The following SPATA7 variants were observed in gnomAD, a reference collection of about 807,000 sequenced individuals.
SPATA7 encodes spermatogenesis-associated protein 7.
SPATA7 carries 43 observed loss-of-function variants against 51.8 expected under a neutral mutation model. That is an observed-to-expected ratio of 0.83 (90% confidence interval 0.65 to 1.07). The LOEUF (loss-of-function observed/expected upper bound fraction) is 1.07. SPATA7 is among the 50% of genes least tolerant of loss of function. SPATA7 has a pLI of 0.00. For synonymous variants in SPATA7, 230 were observed against 252.8 expected, an observed-to-expected ratio of 0.91 and a Z score of 0.86; for missense variants, 683 against 701.3, an observed-to-expected ratio of 0.97 and a Z score of 0.30.
chr14:88,451,828 T>C (rs768823838), intron 3 of SPATA7, among the ~76,000 whole-genome samples: 6 of 152,158 alleles, frequency 3.9e-5, no homozygotes, highest in Non-Finnish European at 8.8e-5. Flanking sequence ...CCTGGCCCTA[T>C]ATCATTTTTT....
At chr14:88,424,119 A>G (rs1001487177) in intron 5 of SPATA7, among the ~76,000 whole-genome samples, 3 of 152,184 alleles carry the variant, frequency 2.0e-5, no homozygotes, top group African/African-American at 7.2e-5. Flanking sequence ...TCTTTGCTCC[A>G]TTGGCACATA....
At chr14:88,433,959 C>T (rs1476906359) in intron 10 of SPATA7, among the ~76,000 whole-genome samples, 1 of 152,108 alleles carries the variant, frequency 6.6e-6, no homozygotes, top group Non-Finnish European at 1.5e-5. Context: ...TCTGTTGACC[C>T]CTTTCATTTT....
rs552012361 is a variant in SPATA7, at chr14:88,448,050, A to G, written c.178-7010A>G. On this transcript the variant is annotated intron_variant, in intron 3 of 3. Transcript: ENST00000554802. The stretch of plus-strand genomic sequence containing the variant: ...TTGGCCTGCTTTGCTAGATTGGGGA[A>G]GTTCTCCTGGATAATATCTTGCAGA... 2.3e-3 allele frequency among the ~76,000 whole-genome samples: 356 copies of G among 152,086 alleles called. 3 individuals carry two copies. Among genetic ancestry groups the G allele is most frequent in the African/African-American group, 7.7e-3 (317 of 41,378 alleles).
In SPATA7 at chr14:88,385,721, C is replaced by T. The variant is rs369551739; in HGVS notation, c.-98C>T. The T allele has an allele frequency of 2.4e-5, 30 of 1,230,096 alleles. No individual in the cohort carries two copies. Among genetic ancestry groups the T allele is most frequent in the African/African-American group, 1.8e-4 (12 of 68,002 alleles). 76.2% of individuals were successfully genotyped at this position (1,230,096 alleles called of 1,614,324 possible). Reference sequence around the variant, plus strand: ...CCTGCTGCTGCAGCCCCCGTCGGCTCCTCTTTTCCAGTCCTCCACTGCCGG... The same window carrying T: ...CCTGCTGCTGCAGCCCCCGTCGGCTTCTCTTTTCCAGTCCTCCACTGCCGG... On this transcript the variant is annotated 5_prime_UTR_variant, in exon 1 of 12. Transcript: ENST00000393545.
chr14:88,439,233 A>G (rs1218719156), downstream of SPATA7, among the ~76,000 whole-genome samples: 1 of 152,084 alleles, frequency 6.6e-6, no homozygotes, highest in Non-Finnish European at 1.5e-5. Context: ...TTTTCCTGCA[A>G]TATCTAAAGC....
At chr14:88,452,592 A>G (rs1305338649) in intron 3 of SPATA7, among the ~76,000 whole-genome samples, 2 of 152,116 alleles carry the variant, frequency 1.3e-5, no homozygotes, top group African/African-American at 2.4e-5. Flanking sequence ...CTTTCCTGGT[A>G]TATTCCTGCA....
intron 8 of SPATA7, 39 bp from the exon 9 acceptor site, chr14:88,431,133 C>T (rs780041447): frequency 7.6e-6 from 12 of 1,581,480 alleles, no homozygotes; most frequent in Non-Finnish European, 1.0e-5. Flanking sequence ...TGTATGCCAA[C>T]CACTGTTTTG....
chr14:88,445,846 A>G (rs2077208148), intron 3 of SPATA7, among the ~76,000 whole-genome samples: 1 of 152,066 alleles, frequency 6.6e-6, no homozygotes, highest in Non-Finnish European at 1.5e-5. Flanking sequence ...CCACTTGATC[A>G]TGGTGGATAA....
At chr14:88,413,044 G>T (rs2076384491) in intron 4 of SPATA7, among the ~76,000 whole-genome samples, 1 of 151,970 alleles carries the variant, frequency 6.6e-6, no homozygotes, top group African/African-American at 2.4e-5. Flanking sequence ...CTCTTTTTTG[G>T]TTCCATATAA....
chr14:88,405,191 G>A (rs907561790), intron 4 of SPATA7, among the ~76,000 whole-genome samples: 10 of 152,206 alleles, frequency 6.6e-5, no homozygotes, highest in Admixed American at 6.5e-4. Context: ...AAAACAGCAA[G>A]GAGGGCTGTG....
rs772554840 is a variant in SPATA7 at position 88,416,669 on chromosome 14, C to G, written c.239-42C>G. On this transcript the variant is annotated intron_variant, in intron 4 of 11. Transcript: ENST00000393545. ...CTAACAAGACCAAAAAACCAATTTT[C>G]TATTTTGTTCCATATTTTGAAAGAT... is the stretch of plus-strand genomic sequence containing the variant. The G allele has an allele frequency of 1.9e-6, 3 of 1,605,594 alleles. No individual in the cohort carries two copies. In the African/African-American group the frequency reaches 4.0e-5, roughly 22 times the overall value.
chr14:88,393,539 T>C, intron 3 of SPATA7, 51 bp downstream of exon 3: 3 of 1,257,598 alleles, frequency 2.4e-6, no homozygotes, highest in Non-Finnish European at 3.4e-6. Flanking sequence ...ACCTCCAGCT[T>C]CACTTCTCAT....
chr14:88,419,565 T>C (rs1405497763), intron 5 of SPATA7, among the ~76,000 whole-genome samples: 1 of 151,568 alleles, frequency 6.6e-6, no homozygotes, highest in African/African-American at 2.4e-5. Context: ...CTCGCTTTTT[T>C]ACCCAGGCCA....
At chr14:88,418,292 G>A (rs899332243) in intron 5 of SPATA7, among the ~76,000 whole-genome samples, 1 of 151,746 alleles carries the variant, frequency 6.6e-6, no homozygotes, top group African/African-American at 2.4e-5. Flanking sequence ...TTATTTTGCT[G>A]TACTATCTCT....
At chr14:88,436,111 G>A (rs1813995572) in intron 10 of SPATA7, among the ~76,000 whole-genome samples, 1 of 152,072 alleles carries the variant, frequency 6.6e-6, no homozygotes, top group South Asian at 2.1e-4. Flanking sequence ...CATTTTAACT[G>A]GAGTGAGATG....
At chr14:88,415,902 A>T (rs959949024) in intron 4 of SPATA7, 1 of 152,190 alleles carries the variant, frequency 6.6e-6, no homozygotes, top group African/African-American at 2.4e-5. Flanking sequence ...TTTCTCATGA[A>T]TGGCTTAGCG....
intron 5 of SPATA7, among the ~76,000 whole-genome samples, chr14:88,424,481 T>C (rs1566777455): frequency 1.3e-5 from 2 of 152,200 alleles, no homozygotes; most frequent in Non-Finnish European, 2.9e-5. Context: ...TCATTTTGTT[T>C]ATTAAATAAC....
chr14:88,439,235 A>G (rs74904914), downstream of SPATA7, among the ~76,000 whole-genome samples: 108 of 152,236 alleles, frequency 7.1e-4, no homozygotes, highest in Non-Finnish European at 1.3e-3. Context: ...TTCCTGCAAT[A>G]TCTAAAGCCT....
chr14:88,452,707 C>T (rs1405988147), intron 3 of SPATA7, among the ~76,000 whole-genome samples: 4 of 152,190 alleles, frequency 2.6e-5, no homozygotes, highest in African/African-American at 9.7e-5. Context: ...CATCTTCCCT[C>T]CAGTATACCC....
Sources: gnomAD v4.1 joint callset for allele counts (sites outside exome capture counted in the v4.1 genomes callset) on GRCh38, gnomAD v4.1.1 for gene constraint, MANE v1.5 for transcripts, NCBI Gene and HGNC (gene_info 2026-07-23, HGNC 2026-07-21) for gene names.